The following HOOK3 variants were observed in gnomAD, a reference collection of about 807,000 sequenced individuals.
HOOK3 encodes protein Hook homolog 3.
HOOK3 carries 24 observed loss-of-function variants against 116.3 expected under a neutral mutation model. That is an observed-to-expected ratio of 0.21 (90% CI 0.15 to 0.29). HOOK3 has a LOEUF of 0.29. Among genes scored for constraint, HOOK3 ranks in the 10% least tolerant of loss-of-function variants. The pLI is 1.00. For synonymous variants in HOOK3, 275 were observed against 283.0 expected (o/e 0.97, Z 0.28); for missense variants, 632 against 830.2 (o/e 0.76, Z 2.93).
In HOOK3 at chr8:43,029,791, G is replaced by C; in HGVS notation, c.*11293G>C. On this transcript the variant is annotated 3_prime_UTR_variant, in exon 22 of 22. Transcript: ENST00000307602. ...TTAAAACTTTTTAGATGAGCTGGATGAAACCTTAGTACATTGGAGCTGGAG... is the reference window on the plus strand; with the variant it reads ...TTAAAACTTTTTAGATGAGCTGGATCAAACCTTAGTACATTGGAGCTGGAG... 1 of 208,578 alleles carries C rather than the reference G, an allele frequency of 4.8e-6. No individual in the cohort carries two copies. Among genetic ancestry groups the C allele is most frequent in the African/African-American group, 2.3e-5 (1 of 44,028 alleles). The allele number at this position is 208,578 out of a possible 1,614,324, so 12.9% of individuals were successfully genotyped here.
chr8:42,959,506 C>G (rs1808497480), intron 8 of HOOK3, among the ~76,000 whole-genome samples, 192 bp downstream of exon 8: 2 of 151,912 alleles, frequency 1.3e-5, no homozygotes, highest in African/African-American at 4.8e-5. Flanking sequence ...GTCACTTGAG[C>G]TCAAGAATTC....
intron 2 of HOOK3, among the ~76,000 whole-genome samples, chr8:42,923,084 A>C (rs1807692429): frequency 6.6e-6 from 1 of 152,220 alleles, no homozygotes; most frequent in Non-Finnish European, 1.5e-5. Flanking sequence ...GAGGATATAC[A>C]ATGGCCAATA....
At chr8:42,968,917 G>A (rs191905961) in intron 11 of HOOK3, among the ~76,000 whole-genome samples, 23 of 152,078 alleles carry the variant, frequency 1.5e-4, no homozygotes, top group Non-Finnish European at 2.9e-4. Context: ...AAAATTTATA[G>A]CACTTTGACA....
rs1265358462 is a variant in HOOK3, at chr8:43,020,885, G to A, written c.*2387G>A. ...GGAGGCCGAGACAGGCACATCATCT[G>A]AGGTCAGGACTTCCAGACCAGCCTG... On this transcript the variant is annotated 3_prime_UTR_variant, in exon 22 of 22. Transcript: ENST00000307602. The A allele has an allele frequency of 5.5e-6, 1 of 181,420 alleles. No individual in the cohort carries two copies. Among genetic ancestry groups the A allele is most frequent in the East Asian group, 9.1e-5 (1 of 11,012 alleles). 11.2% of individuals were successfully genotyped at this position (181,420 alleles called of 1,614,324 possible).
rs192272709 is a variant in HOOK3, at chr8:43,015,145, A to C, written c.2016+1745A>C. Among the ~76,000 whole-genome samples, 710 of 152,228 alleles carry C rather than the reference A, an allele frequency of 4.7e-3. 2 individuals carry two copies. Among genetic ancestry groups the C allele is most frequent in the Non-Finnish European group, 7.5e-3 (512 of 68,004 alleles). Reference sequence around the variant, plus strand: ...GAGTGAGACTCTGTCTCAAAAAAAAACAAAAAACAAAAACTGCATATCTAA... The same window carrying C: ...GAGTGAGACTCTGTCTCAAAAAAAACCAAAAAACAAAAACTGCATATCTAA... On this transcript the variant is annotated intron_variant, in intron 21 of 21. Transcript: ENST00000307602.
At chr8:42,956,971 G>A (rs1453470568) in intron 6 of HOOK3, 123 bp from the exon 7 acceptor site, 3 of 495,828 alleles carry the variant, frequency 6.1e-6, no homozygotes, top group Non-Finnish European at 7.0e-6. Flanking sequence ...TGTTTTACAT[G>A]CATGTTTTCA....
intron 6 of HOOK3, among the ~76,000 whole-genome samples, chr8:42,951,221 T>C (rs1169752194): frequency 6.6e-6 from 1 of 152,006 alleles, no homozygotes; most frequent in African/African-American, 2.4e-5. Context: ...CCACCACGCC[T>C]GGCTAGTTTT....
At chr8:42,919,267 G>A (rs1015525942) in intron 2 of HOOK3, among the ~76,000 whole-genome samples, 21 of 150,748 alleles carry the variant, frequency 1.4e-4, no homozygotes, top group African/African-American at 4.6e-4. Flanking sequence ...CTTCTCAGAC[G>A]GGGCGGCCAG....
intron 1 of HOOK3, among the ~76,000 whole-genome samples, chr8:42,905,494 C>T (rs571713080): frequency 1.6e-4 from 25 of 152,094 alleles, no homozygotes; most frequent in African/African-American, 5.8e-4. Flanking sequence ...TTTTCTTTCC[C>T]AGAAGCATCT....
chr8:42,941,517 C>CA (rs960451235), intron 4 of HOOK3, among the ~76,000 whole-genome samples: 2,837 of 42,440 alleles, frequency 0.067, 101 homozygotes, highest in African/African-American at 0.091. Context: ...GACTCCGTCT[C>CA]AAAAAAAAAA....
chr8:42,930,828 T>C (rs1807858996), intron 4 of HOOK3, among the ~76,000 whole-genome samples: 1 of 152,168 alleles, frequency 6.6e-6, no homozygotes, highest in African/African-American at 2.4e-5. Flanking sequence ...TCTAATATCA[T>C]CTGTAAGACC....
intron 11 of HOOK3, among the ~76,000 whole-genome samples, chr8:42,972,969 C>T (rs967189342): frequency 6.6e-6 from 1 of 152,160 alleles, no homozygotes; most frequent in Admixed American, 6.5e-5. Context: ...CAATTAGAAT[C>T]GCCCTGCCCC....
At chr8:42,897,829 C>G (rs1300268372) in intron 1 of HOOK3, among the ~76,000 whole-genome samples, 1 of 152,232 alleles carries the variant, frequency 6.6e-6, no homozygotes, top group African/African-American at 2.4e-5. Flanking sequence ...AATACATGTT[C>G]ACCTCTCACG....
Position 42,943,405 on chromosome 8 carries a change from G to T in HOOK3, c.360G>T (p.Gln120His). 6.4e-7 allele frequency: 1 copy of T among 1,574,156 alleles called. No homozygotes were observed. Among genetic ancestry groups the T allele is most frequent in the South Asian group, 1.2e-5 (1 of 81,246 alleles). ...CAGCAGAGCTTGGAAGGATGCTTCAGCTCATCTTAGGCTGTGCTGTGAACT... is the reference window on the plus strand; with the variant it reads ...CAGCAGAGCTTGGAAGGATGCTTCATCTCATCTTAGGCTGTGCTGTGAACT... ...SDAAELGRMLQLILGCAVNCE... is the reference protein window; with the variant it reads ...SDAAELGRMLHLILGCAVNCE... Residue 120 changes from glutamine (Q) to histidine (H), a missense_variant, in exon 5 of 22, where the codon CAG (glutamine) becomes CAT (histidine). Gln to His is a conservative substitution (Grantham distance 24). Around this residue, in one of 3 missense-constraint regions of HOOK3, gnomAD observed 141 missense variants for 150.8 expected, o/e 0.93. Coordinates refer to ENST00000307602, the MANE Select transcript of HOOK3 (RefSeq NM_032410.4).
intron 2 of HOOK3, among the ~76,000 whole-genome samples, chr8:42,918,714 GCACATGTTTCAGAGAGCAAGGGGTT>G (rs1807581641): frequency 1.3e-5 from 2 of 152,198 alleles, no homozygotes; most frequent in African/African-American, 4.8e-5. Flanking sequence ...AGTGAACACA[GCACATGTTTCAGAGAGCAAGGGGTT>G]GGGGGTAAGG....
At chr8:42,899,185 T>C (rs572151545) in intron 1 of HOOK3, among the ~76,000 whole-genome samples, 2 of 152,340 alleles carry the variant, frequency 1.3e-5, no homozygotes, top group Admixed American at 1.3e-4. Context: ...GGAGAAATCT[T>C]AGAAGTTTGA....
In HOOK3 at chr8:43,030,279, G is replaced by A. The variant is rs1563319168; in HGVS notation, c.*11781G>A. On this transcript the variant is annotated 3_prime_UTR_variant, in exon 22 of 22. Transcript: ENST00000307602. Reference sequence around the variant, plus strand: ...AAAGTCCAGGAAACCACCAGAAGATGGATTTTTAGTGTTTTTGAAATCTTG... The same window carrying A: ...AAAGTCCAGGAAACCACCAGAAGATAGATTTTTAGTGTTTTTGAAATCTTG... 1 of 190,268 alleles carries A rather than the reference G, an allele frequency of 5.3e-6. No individual in the cohort carries two copies. Among genetic ancestry groups the A allele is most frequent in the Non-Finnish European group, 1.1e-5 (1 of 90,898 alleles). 11.8% of individuals were successfully genotyped at this position (190,268 alleles called of 1,614,324 possible).
At position 42,959,329 on chromosome 8, in the gene HOOK3, C is replaced by G; in HGVS notation, c.615+15C>G. The G allele has an allele frequency of 6.6e-7, 1 of 1,516,902 alleles. No homozygotes were observed. Among genetic ancestry groups the G allele is most frequent in the Non-Finnish European group, 9.2e-7 (1 of 1,092,052 alleles). The allele number at this position is 1,516,902 out of a possible 1,614,324, so 94.0% of individuals were successfully genotyped here. ...TGGATATGCAGGTAAGAGATTTGTT[C>G]TGTGCACCACCTCTTTGAAACATAC... On this transcript the variant is annotated intron_variant, in intron 8 of 21. Coordinates refer to ENST00000307602, the MANE Select transcript of HOOK3 (RefSeq NM_032410.4).
In HOOK3 at chr8:43,029,930, A is replaced by C. The variant is rs1411630859; in HGVS notation, c.*11432A>C. 1 of 214,048 alleles carries C rather than the reference A, an allele frequency of 4.7e-6. No homozygotes were observed. The highest frequency in any genetic ancestry group is 9.4e-6 in the Non-Finnish European group (1 of 105,990). 13.3% of individuals were successfully genotyped at this position (214,048 alleles called of 1,614,324 possible). ...TTGACATTGTAGTAATCCACCTTGC[A>C]TTTTAGTCTTTGCAAAAAGGATATT... On this transcript the variant is annotated 3_prime_UTR_variant, in exon 22 of 22. Transcript: ENST00000307602.
Sources: allele counts gnomAD v4.1 joint callset (sites outside exome capture counted in the v4.1 genomes callset), GRCh38; gene constraint gnomAD v4.1.1; regional missense constraint gnomAD v4.1.1; transcripts MANE v1.5; gene names NCBI Gene and HGNC (gene_info 2026-07-23, HGNC 2026-07-21).